The following GMDS variants were observed in gnomAD, a reference collection of about 807,000 sequenced individuals.
GMDS encodes the protein GDP-mannose 4,6-dehydratase, also known as GDP-mannose 4,6 dehydratase.
Under a neutral mutation model 49.9 loss-of-function variants are expected in GMDS, and 20 were observed. The observed-to-expected ratio is 0.40, with a 90% CI of 0.28 to 0.58. GMDS has a LOEUF of 0.58. Among genes scored for constraint, GMDS ranks in the 20% least tolerant of loss-of-function variants. The probability of loss-of-function intolerance (pLI) is 0.42; values close to 1 mark genes in which losing one functional copy is unlikely to be tolerated. For missense variants in GMDS, 362 were observed against 481.4 expected (o/e 0.75, Z 2.32); for synonymous variants, 177 against 178.6 (o/e 0.99, Z 0.07).
chr6:2,001,026 A>G (rs1766785122), intron 4 of GMDS, among the ~76,000 whole-genome samples: 1 of 152,206 alleles, frequency 6.6e-6, no homozygotes, highest in South Asian at 2.1e-4. Flanking sequence ...TTGCTAGATC[A>G]TCAAGTGGTA....
Position 1,624,240 on chromosome 6 carries a change from CAG to C in GMDS, c.1057-11_1057-10del, listed in dbSNP as rs377702885. On this transcript the variant is annotated splice_polypyrimidine_tract_variant and intron_variant, in intron 10 of 10. Coordinates refer to ENST00000380815, the MANE Select transcript of GMDS (RefSeq NM_001500.4). ...ATCTCCCTCACCAGCTCCTGCAACA[CAG>C]GGGTGGGCGTGAGGGAGGAGCTTCT... 2.4e-4 allele frequency: 388 copies of C among 1,610,860 alleles called. 2 individuals carry two copies. In the African/African-American group the frequency reaches 4.1e-3, roughly 17 times the overall value.
At chr6:2,144,468 G>C (rs1445875630) in intron 1 of GMDS, among the ~76,000 whole-genome samples, 3 of 152,244 alleles carry the variant, frequency 2.0e-5, no homozygotes, top group Non-Finnish European at 4.4e-5. Context: ...CAGGTTAGGA[G>C]TGGCTAAGTT....
chr6:1,773,227 T>A (rs540558958), intron 7 of GMDS, among the ~76,000 whole-genome samples: 3,096 of 150,886 alleles, frequency 0.021, 101 homozygotes, highest in African/African-American at 0.071. Flanking sequence ...AAGAGAAGTC[T>A]ACTATTTGAG....
rs1177747201 is a variant in GMDS, at chr6:1,778,256, C to G, written c.772-35670G>C. Among the ~76,000 whole-genome samples, 1 of 152,166 alleles carries G rather than the reference C, an allele frequency of 6.6e-6. No homozygotes were observed. The highest frequency in any genetic ancestry group is 1.5e-5 in the Non-Finnish European group (1 of 68,036). On this transcript the variant is annotated intron_variant, in intron 7 of 10. Transcript: ENST00000380815. This position sits in a 1 kb window ranked among gnomAD's most constrained non-coding sequence, Gnocchi z 4.6. ...GGTAAGGGAATAACTTTGCTGGATT[C>G]TGTTACACTAGGGCCTCTGTGACCC...
At chr6:1,860,303 C>T (rs997549594) in intron 7 of GMDS, among the ~76,000 whole-genome samples, 22 of 152,112 alleles carry the variant, frequency 1.4e-4, no homozygotes, top group Admixed American at 3.3e-4. Context: ...AAGGAATGGA[C>T]TACTGATATA....
intron 4 of GMDS, among the ~76,000 whole-genome samples, chr6:2,031,120 CCTGTTAACA>C (rs1487278581): frequency 6.6e-6 from 1 of 152,142 alleles, no homozygotes; most frequent in African/African-American, 2.4e-5. Flanking sequence ...CAGAAATCGC[CCTGTTAACA>C]CGCACATCCT....
Position 1,999,752 on chromosome 6 carries a change from A to C in GMDS, c.346-38786T>G, listed in dbSNP as rs1182316770. Among the ~76,000 whole-genome samples, 5 of 148,526 alleles carry C rather than the reference A, an allele frequency of 3.4e-5. No homozygotes were observed. The East Asian group carries it at 1.0e-3, about 30-fold the overall frequency. ...GGTAATATGCTGTGAAAGATAAGGA[A>C]ATCTCCTCTCCCAATTTTGCTAGAT... On this transcript the variant is annotated intron_variant, in intron 4 of 10. Transcript: ENST00000380815.
At chr6:2,235,228 G>A (rs1166730151) in intron 1 of GMDS, among the ~76,000 whole-genome samples, 1 of 152,202 alleles carries the variant, frequency 6.6e-6, no homozygotes, top group East Asian at 1.9e-4. Flanking sequence ...GGGGAAGCAG[G>A]CATATTCTTC....
intron 7 of GMDS, among the ~76,000 whole-genome samples, chr6:1,878,471 G>C (rs1221386522): frequency 1.3e-5 from 2 of 152,110 alleles, no homozygotes; most frequent in African/African-American, 4.8e-5. Context: ...GGGGATTCTT[G>C]GCTCTACGGA....
chr6:2,223,135 C>T lies in GMDS; in HGVS notation c.102+22186G>A, dbSNP rs200281916. ...TCAATCAATCAATCAATCAATAGCG[C>T]GCTCTCTCTCTCTCTATATATATAT... On this transcript the variant is annotated intron_variant, in intron 1 of 10. Coordinates refer to ENST00000380815, the MANE Select transcript of GMDS (RefSeq NM_001500.4). 1.4e-4 allele frequency among the ~76,000 whole-genome samples: 21 copies of T among 151,512 alleles called. No homozygotes were observed. The East Asian group carries it at 3.3e-3, about 24-fold the overall frequency.
chr6:1,740,225 G>A (rs1479009448), intron 8 of GMDS, among the ~76,000 whole-genome samples: 1 of 152,200 alleles, frequency 6.6e-6, no homozygotes, highest in African/African-American at 2.4e-5. Context: ...ATTAATGAGA[G>A]TGGCAGATAT....
At chr6:1,751,625 T>C (rs143482679) in intron 7 of GMDS, among the ~76,000 whole-genome samples, 3,346 of 152,200 alleles carry the variant, frequency 0.022, 134 homozygotes, top group African/African-American at 0.077. Flanking sequence ...TCCCGAGTAG[T>C]TGGGATTACA....
intron 1 of GMDS, among the ~76,000 whole-genome samples, chr6:2,205,777 G>T (rs1361057540): frequency 1.3e-5 from 2 of 151,958 alleles, no homozygotes; most frequent in Non-Finnish European, 2.9e-5. Flanking sequence ...GTGTGTGTGT[G>T]GGGGGGGAGG....
At chr6:1,764,378 T>C (rs537316497) in intron 7 of GMDS, among the ~76,000 whole-genome samples, 2 of 152,318 alleles carry the variant, frequency 1.3e-5, no homozygotes, top group East Asian at 1.9e-4. Context: ...AAATACTCGA[T>C]GATAAAGGAT....
chr6:1,825,348 C>G (rs1391395254), intron 7 of GMDS, among the ~76,000 whole-genome samples: 1 of 152,172 alleles, frequency 6.6e-6, no homozygotes, highest in Non-Finnish European at 1.5e-5. Flanking sequence ...AAACCAAATG[C>G]ATTACAAAAC....
intron 4 of GMDS, among the ~76,000 whole-genome samples, chr6:1,964,732 G>A (rs1053052832): frequency 2.0e-4 from 30 of 152,130 alleles, no homozygotes; most frequent in East Asian, 5.8e-4. Context: ...TGCACAGTGC[G>A]CAGGTTACAT....
intron 4 of GMDS, among the ~76,000 whole-genome samples, chr6:2,088,987 C>G (rs1773164514): frequency 6.6e-6 from 1 of 152,134 alleles, no homozygotes; most frequent in African/African-American, 2.4e-5. Flanking sequence ...TTAATTCATC[C>G]AGTGAACATT....
At chr6:1,944,221 A>G (rs1762951493) in intron 6 of GMDS, among the ~76,000 whole-genome samples, 1 of 152,192 alleles carries the variant, frequency 6.6e-6, no homozygotes, top group South Asian at 2.1e-4. Context: ...AAAATTTCAC[A>G]CTCAGCTGGG....
chr6:1,652,205 C>G (rs1763673079), intron 9 of GMDS, among the ~76,000 whole-genome samples: 1 of 147,364 alleles, frequency 6.8e-6, no homozygotes, highest in African/African-American at 2.5e-5. Flanking sequence ...AACCCTGTCT[C>G]TACTAAAAAT....
Sources: allele counts gnomAD v4.1 joint callset (sites outside exome capture counted in the v4.1 genomes callset), GRCh38; gene constraint gnomAD v4.1.1; non-coding constraint Gnocchi (gnomAD v3.1); transcripts MANE v1.5; gene names NCBI Gene and HGNC (gene_info 2026-07-23, HGNC 2026-07-21).